Variants in LRP12 observed in about 807,000 individuals in gnomAD.
LRP12 encodes LDL receptor related protein 12.
A neutral mutation model predicts 66.0 loss-of-function variants in LRP12; 14 were observed. That is an observed-to-expected ratio of 0.21 (90% CI 0.14 to 0.33). The LOEUF is 0.33. Among genes scored for constraint, LRP12 ranks in the 10% least tolerant of loss-of-function variants. LRP12 has a pLI of 1.00. For synonymous variants in LRP12, 357 were observed against 359.1 expected, an observed-to-expected ratio of 0.99 and a Z score of 0.07; for missense variants, 889 against 1,053.4, an observed-to-expected ratio of 0.84 and a Z score of 2.16.
At chr8:104,553,686 TC>T (rs1227212724) in intron 1 of LRP12, among the ~76,000 whole-genome samples, 2 of 152,088 alleles carry the variant, frequency 1.3e-5, no homozygotes, top group Non-Finnish European at 2.9e-5. Context: ...AAGGACATAA[TC>T]TCTTGGGAGC....
intron 1 of LRP12, among the ~76,000 whole-genome samples, chr8:104,551,149 A>G (rs960889764): frequency 1.3e-5 from 2 of 151,982 alleles, no homozygotes; most frequent in African/African-American, 4.8e-5. Flanking sequence ...AAATTTTGCC[A>G]TTGTTGAATA....
rs1810581794 is a variant in LRP12 at position 104,489,442 on chromosome 8, AAAAC to A, written c.*1227_*1230del. 1 of 152,470 alleles carries A rather than the reference AAAAC, an allele frequency of 6.6e-6. No individual in the cohort carries two copies. The highest frequency in any genetic ancestry group is 2.4e-5 in the African/African-American group (1 of 41,350). The allele number at this position is 152,470 out of a possible 1,614,324, so 9.4% of individuals were successfully genotyped here. On this transcript the variant is annotated 3_prime_UTR_variant, in exon 7 of 7. Coordinates refer to ENST00000276654, the MANE Select transcript of LRP12 (RefSeq NM_013437.5). Reference sequence around the variant, plus strand: ...CATTTTTCATAATCATTAAACTACTAAAACAGACAGTTAAAGAATAAATAAACCG... The same window carrying A: ...CATTTTTCATAATCATTAAACTACTAAGACAGTTAAAGAATAAATAAACCG...
Position 104,579,000 on chromosome 8 carries a change from A to C in LRP12, c.79+9819T>G, listed in dbSNP as rs191363674. 5.7e-3 allele frequency among the ~76,000 whole-genome samples: 871 copies of C among 152,300 alleles called. 1 individual carries two copies. Among genetic ancestry groups the C allele is most frequent in the Middle Eastern group, 0.01 (3 of 294 alleles). On this transcript the variant is annotated intron_variant, in intron 1 of 6. Transcript: ENST00000276654. ...TAATGAATGGGCAAAAGCTGGAAGC[A>C]TGACCCCTGAAAACCGACACAAGAC...
chr8:104,581,532 G>GAAA (rs535359704), intron 1 of LRP12, among the ~76,000 whole-genome samples: 1,797 of 140,842 alleles, frequency 0.013, 32 homozygotes, highest in African/African-American at 0.043. Context: ...ACTTAAAAGT[G>GAAA]AAAAAAAAAA....
chr8:104,491,130 C>T lies in LRP12; in HGVS notation c.2123G>A (p.Gly708Glu), dbSNP rs1452486968. The T allele has an allele frequency of 6.2e-7, 1 of 1,614,094 alleles. No homozygotes were observed. Residue 708 changes from glycine to glutamate, a missense_variant, in exon 7 of 7, where the codon GGA becomes GAA. By Grantham distance (98) the Gly-to-Glu change is moderately conservative. Transcript: ENST00000276654. ...GGGTTCCACACTTGTCACATCCCTT[C>T]CATTATCTGCATGACCACCTCGGGT... Reference protein sequence around the residue: ...QSTRGGHADNGRDVTSVEPPS... With the variant: ...QSTRGGHADNERDVTSVEPPS...
chr8:104,508,985 A>G lies in LRP12; in HGVS notation c.226T>C (p.Cys76Arg). ...WPSEYPAKIN[C>R]SWFIRANPGE... is the part of the protein sequence containing the mutation. ...GGGTTTGCCCTTATGAACCAGCTAC[A>G]GTTGATTTTTGCAGGATATTCAGAA... Residue 76 changes from cysteine to arginine, a missense_variant, in exon 3 of 7, where the codon TGT becomes CGT. Transcript: ENST00000276654. 1.2e-6 allele frequency: 2 copies of G among 1,613,826 alleles called. No homozygotes were observed. Among genetic ancestry groups the G allele is most frequent in the Non-Finnish European group, 1.7e-6 (2 of 1,179,798 alleles).
At chr8:104,522,575 C>T (rs979407033) in intron 2 of LRP12, among the ~76,000 whole-genome samples, 1 of 152,054 alleles carries the variant, frequency 6.6e-6, no homozygotes, top group Admixed American at 6.6e-5. Flanking sequence ...ATCAAGCTAA[C>T]CTCAGACAGA....
At chr8:104,525,255 TTAAAA>T (rs1239149528) in intron 2 of LRP12, among the ~76,000 whole-genome samples, 11 of 152,118 alleles carry the variant, frequency 7.2e-5, no homozygotes, top group African/African-American at 2.2e-4. Flanking sequence ...AAGTTCTAAA[TTAAAA>T]TAAGTACAAA....
At chr8:104,574,411 C>T (rs922045902) in intron 1 of LRP12, among the ~76,000 whole-genome samples, 4 of 152,190 alleles carry the variant, frequency 2.6e-5, no homozygotes, top group South Asian at 2.1e-4. Flanking sequence ...TTATCTTATG[C>T]TAATATACCA....
intron 1 of LRP12, among the ~76,000 whole-genome samples, chr8:104,533,694 A>T (rs1811358568): frequency 6.6e-6 from 1 of 151,982 alleles, no homozygotes; most frequent in Non-Finnish European, 1.5e-5. Flanking sequence ...TTACTTTTTT[A>T]AAAAAGAGAC....
chr8:104,550,023 T>C (rs1195524665), intron 1 of LRP12, among the ~76,000 whole-genome samples: 1 of 152,184 alleles, frequency 6.6e-6, no homozygotes, highest in Non-Finnish European at 1.5e-5. Context: ...TCCATATTGA[T>C]AGATCCCAAA....
At chr8:104,588,293 G>C (rs961177362) in intron 1 of LRP12, among the ~76,000 whole-genome samples, 5 of 151,486 alleles carry the variant, frequency 3.3e-5, no homozygotes, top group African/African-American at 1.2e-4. Flanking sequence ...TTGCCCCCGA[G>C]GTGGAGTGGG....
chr8:104,538,904 A>G (rs548290337), intron 1 of LRP12, among the ~76,000 whole-genome samples: 2 of 152,318 alleles, frequency 1.3e-5, no homozygotes, highest in East Asian at 3.9e-4. Context: ...GCTGACGGCT[A>G]CTGTATTAGG....
chr8:104,491,320 TGTGA>T lies in LRP12; in HGVS notation c.1929_1932del (p.His644GlufsTer41). On this transcript the variant is annotated frameshift_variant, in exon 7 of 7. Coordinates refer to ENST00000276654, the MANE Select transcript of LRP12 (RefSeq NM_013437.5). LOFTEE classifies it high-confidence loss of function. ...TCAGACTCCACGGAAAACAAACTTC[TGTGA>T]GTATGATTTCTCTCAGGTTCTCTAC... is the stretch of plus-strand genomic sequence containing the variant. 1.2e-6 allele frequency: 2 copies of T among 1,614,194 alleles called. No homozygotes were observed. The highest frequency in any genetic ancestry group is 1.7e-6 in the Non-Finnish European group (2 of 1,180,026).
intron 6 of LRP12, among the ~76,000 whole-genome samples, chr8:104,494,654 T>C (rs1810693913): frequency 6.6e-6 from 1 of 152,196 alleles, no homozygotes; most frequent in African/African-American, 2.4e-5. Context: ...AAAATCCAGC[T>C]TGAAGATGTT....
intron 1 of LRP12, among the ~76,000 whole-genome samples, chr8:104,544,339 G>A (rs532228093): frequency 1.4e-4 from 22 of 152,334 alleles, no homozygotes; most frequent in African/African-American, 5.1e-4. Context: ...GAGGCTGTAA[G>A]TACTGATGGA....
chr8:104,581,706 A>T (rs1211080539), intron 1 of LRP12, among the ~76,000 whole-genome samples: 1 of 152,106 alleles, frequency 6.6e-6, no homozygotes, highest in African/African-American at 2.4e-5. Flanking sequence ...ACAAGACTAG[A>T]GCTAAGACTA....
At chr8:104,566,151 G>A in intron 1 of LRP12, 1 of 524,830 alleles carries the variant, frequency 1.9e-6, no homozygotes, top group Non-Finnish European at 3.0e-6. Context: ...CATAAGAGAG[G>A]CTGAGAATAT....
At chr8:104,515,394 T>C (rs1369178129) in intron 2 of LRP12, among the ~76,000 whole-genome samples, 4 of 152,220 alleles carry the variant, frequency 2.6e-5, no homozygotes, top group African/African-American at 9.6e-5. Flanking sequence ...TGCTAATGAT[T>C]TGAAATAACC....
Sources: allele counts gnomAD v4.1 joint callset (sites outside exome capture counted in the v4.1 genomes callset), GRCh38; gene constraint gnomAD v4.1.1; transcripts MANE v1.5; gene names NCBI Gene and HGNC (gene_info 2026-07-23, HGNC 2026-07-21).